The following NPHS2 variants were observed in gnomAD, a reference collection of about 807,000 sequenced individuals.
The protein encoded by NPHS2 is NPHS2 stomatin family member, podocin.
NPHS2 carries 36 observed loss-of-function variants against 37.1 expected under a neutral mutation model. The ratio of observed to expected loss-of-function variants is 0.97; its 90% CI spans 0.74 to 1.28. The LOEUF is 1.28. Among genes scored for constraint, NPHS2 ranks in the 50% most tolerant of loss-of-function variants. The pLI, the probability that NPHS2 is intolerant of heterozygous loss-of-function variation, is 0.00. For synonymous variants in NPHS2, 196 were observed against 189.3 expected (o/e 1.04, Z -0.29); for missense variants, 447 against 488.1 (o/e 0.92, Z 0.79).
rs112782189 is a variant in NPHS2 at position 179,575,180 on chromosome 1, G to A, written c.274+411C>T. Among the ~76,000 whole-genome samples, 702 of 152,260 alleles carry A rather than the reference G, an allele frequency of 4.6e-3. 5 individuals are homozygous for A. Among genetic ancestry groups the A allele is most frequent in the African/African-American group, 0.016 (660 of 41,530 alleles). ...GTTTAAAATGCTTTTAGGTAAGACC[G>A]AGGGGTGGGGACGCTGGAAGAAGAA... On this transcript the variant is annotated intron_variant, in intron 1 of 7. Transcript: ENST00000367615.
intron 2 of NPHS2, among the ~76,000 whole-genome samples, chr1:179,562,234 T>C (rs1156763909): frequency 6.6e-6 from 1 of 152,194 alleles, no homozygotes; most frequent in African/African-American, 2.4e-5. Context: ...AGAAGAGAAA[T>C]AGAGAAGTTA....
At chr1:179,567,245 G>A (rs1256014146) in intron 1 of NPHS2, among the ~76,000 whole-genome samples, 1 of 152,104 alleles carries the variant, frequency 6.6e-6, no homozygotes, top group Admixed American at 6.5e-5. Flanking sequence ...ATTTAGTTGA[G>A]CAGTGGCTTA....
chr1:179,572,022 C>T (rs1370152559), intron 1 of NPHS2, among the ~76,000 whole-genome samples: 4 of 152,220 alleles, frequency 2.6e-5, no homozygotes, highest in East Asian at 1.9e-4. Flanking sequence ...CTTGTGCTTC[C>T]TGGGTGAGGC....
At chr1:179,562,372 G>A (rs1215114043) in intron 2 of NPHS2, among the ~76,000 whole-genome samples, 4 of 152,122 alleles carry the variant, frequency 2.6e-5, no homozygotes, top group African/African-American at 9.7e-5. Flanking sequence ...CACCAGATGA[G>A]GCACTCCTTG....
At position 179,551,312 on chromosome 1, in the gene NPHS2, A is replaced by G; in HGVS notation, c.1013T>C (p.Val338Ala). 6.2e-7 allele frequency: 1 copy of G among 1,614,162 alleles called. No individual in the cohort carries two copies. Among genetic ancestry groups the G allele is most frequent in the South Asian group, 1.1e-5 (1 of 91,080 alleles). The change falls in exon 8 of 8, where the codon GTG (valine) becomes GCG (alanine). Residue 338 changes from valine (V) to alanine (A), a missense_variant. Coordinates refer to ENST00000367615, the MANE Select transcript of NPHS2 (RefSeq NM_014625.4). ...TAGGTCAAATGGCAAAGGTAAAACC[A>G]CAGTGGAAGGCTTCTCTGTGGACAG... Reference protein sequence around the residue: ...QSLSTEKPSTVVLPLPFDLLN... With the variant: ...QSLSTEKPSTAVLPLPFDLLN...
chr1:179,562,664 T>C (rs1572283962), intron 2 of NPHS2, among the ~76,000 whole-genome samples: 1 of 152,190 alleles, frequency 6.6e-6, no homozygotes, highest in East Asian at 1.9e-4. Flanking sequence ...CTGGGAACCA[T>C]GTTTTGTTTG....
chr1:179,559,793 A>C lies in NPHS2; in HGVS notation c.452-32T>G, dbSNP rs138367742. On this transcript the variant is annotated intron_variant, in intron 3 of 7. Coordinates refer to ENST00000367615, the MANE Select transcript of NPHS2 (RefSeq NM_014625.4). ...GAGAGGAGGAGGAAGTGACAGATAAATAGCTAGCATGAAGGCTGTTTGGGT... is the reference window on the plus strand; with the variant it reads ...GAGAGGAGGAGGAAGTGACAGATAACTAGCTAGCATGAAGGCTGTTTGGGT... 1.3e-4 allele frequency: 188 copies of C among 1,434,108 alleles called. No homozygotes were observed. In the African/African-American group the frequency reaches 2.5e-3, roughly 19 times the overall value. The allele number at this position is 1,434,108 out of a possible 1,614,324, so 88.8% of individuals were successfully genotyped here.
chr1:179,557,062 G>T lies in NPHS2; in HGVS notation c.703C>A (p.Leu235Ile). 1.2e-6 allele frequency: 2 copies of T among 1,613,986 alleles called. No homozygotes were observed. The highest frequency in any genetic ancestry group is 1.7e-6 in the Non-Finnish European group (2 of 1,179,952). Residue 235 changes from leucine (L) to isoleucine (I), a missense_variant, in exon 5 of 8, where the codon CTT (leucine) becomes ATT (isoleucine). Transcript: ENST00000367615. The stretch of plus-strand genomic sequence containing the variant: ...TGGGCGATGCTCTTCCTCTCTAGAA[G>T]AATTTCAGTGAGGGATCGATGTGCT... ...LLAHRSLTEI[L>I]LERKSIAQDA...
Position 179,554,584 on chromosome 1 carries a change from C to T in NPHS2, c.739-53G>A, listed in dbSNP as rs1213794407. On this transcript the variant is annotated intron_variant, in intron 5 of 7. Coordinates refer to ENST00000367615, the MANE Select transcript of NPHS2 (RefSeq NM_014625.4). Reference sequence around the variant, plus strand: ...TGGGAGCCTCCAGGTGGGAGGAGAGCATGCCTAAACCCTGGTGGCCATTGT... The same window carrying T: ...TGGGAGCCTCCAGGTGGGAGGAGAGTATGCCTAAACCCTGGTGGCCATTGT... 6 of 1,611,840 alleles carry T rather than the reference C, an allele frequency of 3.7e-6. No homozygotes were observed. In the East Asian group the frequency reaches 1.3e-4, roughly 36 times the overall value.
At chr1:179,569,026 T>G (rs1238922564) in intron 1 of NPHS2, among the ~76,000 whole-genome samples, 2 of 152,212 alleles carry the variant, frequency 1.3e-5, no homozygotes, top group Non-Finnish European at 2.9e-5. Flanking sequence ...ATATATATTC[T>G]GTTGATTTGG....
chr1:179,572,431 G>A (rs1674599853), intron 1 of NPHS2, among the ~76,000 whole-genome samples: 1 of 152,152 alleles, frequency 6.6e-6, no homozygotes, highest in African/African-American at 2.4e-5. Flanking sequence ...AGATGCTTGG[G>A]TGATAAATGA....
intron 1 of NPHS2, among the ~76,000 whole-genome samples, chr1:179,570,673 A>T (rs1360456509): frequency 6.6e-6 from 1 of 152,188 alleles, no homozygotes; most frequent in African/African-American, 2.4e-5. Flanking sequence ...TTATGGCCAG[A>T]TTTTGAGGGG....
chr1:179,564,648 A>C lies in NPHS2; in HGVS notation c.378+42T>G, dbSNP rs878853213. Reference sequence around the variant, plus strand: ...GAATGGGCATGGTGTGGCCAGTGAGAGGCCTCAGGAAATTACCTATTGGGT... The same window carrying C: ...GAATGGGCATGGTGTGGCCAGTGAGCGGCCTCAGGAAATTACCTATTGGGT... On this transcript the variant is annotated intron_variant, in intron 2 of 7. Coordinates refer to ENST00000367615, the MANE Select transcript of NPHS2 (RefSeq NM_014625.4). 6.7e-7 allele frequency: 1 copy of C among 1,498,460 alleles called. No homozygotes were observed. Among genetic ancestry groups the C allele is most frequent in the East Asian group, 2.3e-5 (1 of 44,372 alleles). 92.8% of individuals were successfully genotyped at this position (1,498,460 alleles called of 1,614,324 possible).
rs763939986 is a variant in NPHS2, at chr1:179,554,551, G to A, written c.739-20C>T. On this transcript the variant is annotated intron_variant, in intron 5 of 7. Coordinates refer to ENST00000367615, the MANE Select transcript of NPHS2 (RefSeq NM_014625.4). ...GGCAACCTGTGGAAAGAAGAATTCA[G>A]ATGTCAGTGGGAGCCTCCAGGTGGG... 6.2e-7 allele frequency: 1 copy of A among 1,614,044 alleles called. No individual in the cohort carries two copies. Among genetic ancestry groups the A allele is most frequent in the African/African-American group, 1.3e-5 (1 of 74,936 alleles).
intron 2 of NPHS2, among the ~76,000 whole-genome samples, chr1:179,561,884 C>A (rs1383944624): frequency 6.6e-6 from 1 of 152,110 alleles, no homozygotes; most frequent in Non-Finnish European, 1.5e-5. Context: ...CGGCTCACTG[C>A]AACCTCTGCC....
chr1:179,554,381 A>T, intron 6 of NPHS2, 95 bp downstream of exon 6: 1 of 1,430,422 alleles, frequency 7.0e-7, no homozygotes, highest in East Asian at 2.3e-5. Flanking sequence ...TGGCTATAGT[A>T]CTCAGTGAAA....
At position 179,556,743 on chromosome 1, in the gene NPHS2, A is replaced by G. The variant is rs1481239074; in HGVS notation, c.738+284T>C. 6.6e-6 allele frequency among the ~76,000 whole-genome samples: 1 copy of G among 152,098 alleles called. No individual in the cohort carries two copies. Among genetic ancestry groups the G allele is most frequent in the African/African-American group, 2.4e-5 (1 of 41,410 alleles). On this transcript the variant is annotated intron_variant, in intron 5 of 7. Coordinates refer to ENST00000367615, the MANE Select transcript of NPHS2 (RefSeq NM_014625.4). This position sits in a 1 kb window ranked among gnomAD's most constrained non-coding sequence, Gnocchi z 4.1. The stretch of plus-strand genomic sequence containing the variant: ...ACCAACCCCACCGTTCCTGCCAGCA[A>G]TCATTCTGAATACTTAATACTAGGT...
chr1:179,567,301 C>A (rs1187686178), intron 1 of NPHS2, among the ~76,000 whole-genome samples: 1 of 152,066 alleles, frequency 6.6e-6, no homozygotes, highest in East Asian at 1.9e-4. Flanking sequence ...AAGTTGGATT[C>A]CTAGGTATTT....
intron 3 of NPHS2, among the ~76,000 whole-genome samples, chr1:179,560,994 A>G (rs1674115715): frequency 6.6e-6 from 1 of 152,214 alleles, no homozygotes; most frequent in African/African-American, 2.4e-5. Flanking sequence ...GACCATATAC[A>G]CATCGTACTC....
Sources: gnomAD v4.1 joint callset for allele counts (sites outside exome capture counted in the v4.1 genomes callset) on GRCh38, gnomAD v4.1.1 for gene constraint, Gnocchi (gnomAD v3.1) non-coding constraint, MANE v1.5 for transcripts, NCBI Gene and HGNC (gene_info 2026-07-23, HGNC 2026-07-21) for gene names.